KCNK13: variants seen among roughly 807,000 people sequenced by gnomAD.
The protein encoded by KCNK13 is potassium two pore domain channel subfamily K member 13, also known as potassium channel subfamily K member 13.
Under a neutral mutation model 23.4 loss-of-function variants are expected in KCNK13, and 12 were observed. That is an observed-to-expected ratio of 0.51 (90% CI 0.33 to 0.83). The LOEUF is 0.83. Ranked by LOEUF, KCNK13 falls within the 40% of genes least tolerant of loss-of-function variation. KCNK13 has a pLI of 0.02. For synonymous variants in KCNK13, 231 were observed against 229.5 expected (o/e 1.01, Z -0.06); for missense variants, 463 against 556.3 (o/e 0.83, Z 1.69).
In KCNK13 at chr14:90,108,272, T is replaced by C. The variant is rs542045950; in HGVS notation, c.334+45733T>C. ...ACTCACCCTCAATTGTTCTTTCTCT[T>C]TGGCACGCGTTTCTTACTGTTCTCC... On this transcript the variant is annotated intron_variant, in intron 1 of 1. Coordinates refer to ENST00000282146, the MANE Select transcript of KCNK13 (RefSeq NM_022054.4). 5.3e-5 allele frequency among the ~76,000 whole-genome samples: 8 copies of C among 152,262 alleles called. 2 individuals carry two copies. Among genetic ancestry groups the C allele is most frequent in the African/African-American group, 1.9e-4 (8 of 41,544 alleles).
At chr14:90,082,648 C>T (rs554154018) in intron 1 of KCNK13, among the ~76,000 whole-genome samples, 11 of 152,104 alleles carry the variant, frequency 7.2e-5, no homozygotes, top group African/African-American at 2.7e-4. Context: ...CATGAATGTA[C>T]CACATTTTAT....
chr14:90,065,713 A>G (rs1241678379), intron 1 of KCNK13, among the ~76,000 whole-genome samples: 1 of 152,224 alleles, frequency 6.6e-6, no homozygotes, highest in Admixed American at 6.5e-5. Flanking sequence ...TGTAATTTCC[A>G]GGTACTTCTG....
intron 1 of KCNK13, among the ~76,000 whole-genome samples, chr14:90,159,302 A>G (rs1042914548): frequency 9.9e-5 from 15 of 152,190 alleles, no homozygotes; most frequent in African/African-American, 2.4e-4. Flanking sequence ...CCAGAGGTCT[A>G]TGCAAACCAT....
chr14:90,121,424 C>T lies in KCNK13; in HGVS notation c.334+58885C>T, dbSNP rs144666292. Among the ~76,000 whole-genome samples the T allele has an allele frequency of 2.1e-3, 316 of 152,268 alleles. 4 individuals are homozygous for T. Among genetic ancestry groups the T allele is most frequent in the African/African-American group, 7.0e-3 (291 of 41,558 alleles). On this transcript the variant is annotated intron_variant, in intron 1 of 1. Coordinates refer to ENST00000282146, the MANE Select transcript of KCNK13 (RefSeq NM_022054.4). ...AACCTTCTGGGGAGGGATGTTGTTA[C>T]GCCGTGGCAATGTCATTAGCTAAAT...
chr14:90,086,645 G>T (rs1470927920), intron 1 of KCNK13, among the ~76,000 whole-genome samples: 2 of 152,094 alleles, frequency 1.3e-5, no homozygotes, highest in Non-Finnish European at 2.9e-5. Context: ...AAGACGTCTG[G>T]GGGTCCCATG....
At chr14:90,173,999 A>C (rs955452458) in intron 1 of KCNK13, among the ~76,000 whole-genome samples, 13 of 152,154 alleles carry the variant, frequency 8.5e-5, no homozygotes, top group African/African-American at 3.1e-4. Context: ...AAGAGGGAAG[A>C]GTCCCTTATA....
At chr14:90,097,534 T>C (rs1294789448) in intron 1 of KCNK13, among the ~76,000 whole-genome samples, 3 of 152,006 alleles carry the variant, frequency 2.0e-5, no homozygotes, top group African/African-American at 7.3e-5. Flanking sequence ...ACCACCACAT[T>C]GGGGATCAAA....
intron 1 of KCNK13, among the ~76,000 whole-genome samples, chr14:90,183,162 G>T (rs1455127808): frequency 6.6e-6 from 1 of 152,184 alleles, no homozygotes; most frequent in East Asian, 1.9e-4. Context: ...AGGTAGAAAG[G>T]TCAGGAGGGT....
At chr14:90,102,136 G>A (rs1889489103) in intron 1 of KCNK13, among the ~76,000 whole-genome samples, 1 of 152,046 alleles carries the variant, frequency 6.6e-6, no homozygotes, top group Non-Finnish European at 1.5e-5. Flanking sequence ...ACCTACCTTG[G>A]CCTCCCAAAG....
In KCNK13 at chr14:90,076,366, C is replaced by A. The variant is rs529656799; in HGVS notation, c.334+13827C>A. Among the ~76,000 whole-genome samples, 4 of 152,358 alleles carry A rather than the reference C, an allele frequency of 2.6e-5. No individual in the cohort carries two copies. In the South Asian group the frequency reaches 6.2e-4, roughly 24 times the overall value. ...CTGTTCTGCCAGGCTTAGATGGTGT[C>A]TCTGTCTCTCTTTTGCTCATAAAAC... On this transcript the variant is annotated intron_variant, in intron 1 of 1. Transcript: ENST00000282146.
intron 1 of KCNK13, among the ~76,000 whole-genome samples, chr14:90,144,341 T>C (rs1440746519): frequency 1.3e-5 from 2 of 151,434 alleles, no homozygotes; most frequent in African/African-American, 4.8e-5. Flanking sequence ...CCATTTTTTA[T>C]TGTCCATCGC....
At chr14:90,162,321 C>T (rs562084909) in intron 1 of KCNK13, among the ~76,000 whole-genome samples, 5 of 152,198 alleles carry the variant, frequency 3.3e-5, no homozygotes, top group South Asian at 2.1e-4. Flanking sequence ...AGTGACATTT[C>T]GGGAGAGTGG....
intron 1 of KCNK13, among the ~76,000 whole-genome samples, chr14:90,182,838 AAAGAG>A (rs1566654200): frequency 6.6e-6 from 1 of 151,916 alleles, no homozygotes. Context: ...AAAAAAAAAA[AAAGAG>A]AGAGGTTTGA....
chr14:90,137,610 C>T (rs1359627011), intron 1 of KCNK13, among the ~76,000 whole-genome samples: 2 of 152,140 alleles, frequency 1.3e-5, no homozygotes, highest in Non-Finnish European at 2.9e-5. Context: ...TGTGAGCCAC[C>T]GTACCCGGCC....
At chr14:90,087,122 A>G in intron 1 of KCNK13, among the ~76,000 whole-genome samples, 1 of 102,700 alleles carries the variant, frequency 9.7e-6, no homozygotes, top group South Asian at 3.7e-4. Context: ...ATATACATAT[A>G]TATATACATA....
At chr14:90,106,497 C>T (rs1889545063) in intron 1 of KCNK13, among the ~76,000 whole-genome samples, 1 of 151,864 alleles carries the variant, frequency 6.6e-6, no homozygotes, top group African/African-American at 2.4e-5. Context: ...ATCATTTGAA[C>T]TCAGGAAGCA....
At chr14:90,136,876 C>G (rs1460133008) in intron 1 of KCNK13, among the ~76,000 whole-genome samples, 2 of 152,172 alleles carry the variant, frequency 1.3e-5, no homozygotes, top group Admixed American at 1.3e-4. Context: ...AGGTTACCCC[C>G]ACGAAGGTCT....
chr14:90,076,401 A>C (rs1889134626), intron 1 of KCNK13, among the ~76,000 whole-genome samples: 1 of 152,180 alleles, frequency 6.6e-6, no homozygotes, highest in South Asian at 2.1e-4. Context: ...CAGAAATTGT[A>C]AGCACTATCA....
At chr14:90,143,277 G>A (rs1417879548) in intron 1 of KCNK13, among the ~76,000 whole-genome samples, 4 of 148,530 alleles carry the variant, frequency 2.7e-5, no homozygotes, top group Non-Finnish European at 4.5e-5. Flanking sequence ...GCGTGATCTC[G>A]GCTGGCTGCA....
Sources: gnomAD v4.1 joint callset for allele counts (sites outside exome capture counted in the v4.1 genomes callset) on GRCh38, gnomAD v4.1.1 for gene constraint, MANE v1.5 for transcripts, NCBI Gene and HGNC (gene_info 2026-07-23, HGNC 2026-07-21) for gene names.